The following NNMT variants were observed in gnomAD, a reference collection of about 807,000 sequenced individuals.
The protein encoded by NNMT is nicotinamide N-methyltransferase.
A neutral mutation model predicts 11.7 loss-of-function variants in NNMT; 10 were observed. That is an observed-to-expected ratio of 0.85 (90% CI 0.53 to 1.45). The LOEUF is 1.45. NNMT is among the 40% of genes most tolerant of loss of function. The pLI, the probability that NNMT is intolerant of heterozygous loss-of-function variation, is 0.00. For synonymous variants in NNMT, 143 were observed against 133.8 expected (o/e 1.07, Z -0.48); for missense variants, 381 against 319.4 (o/e 1.19, Z -1.47).
At chr11:114,282,955 T>G (rs184679612) in intron 2 of NNMT, among the ~76,000 whole-genome samples, 1 of 152,340 alleles carries the variant, frequency 6.6e-6, no homozygotes, top group Non-Finnish European at 1.5e-5. Context: ...AGAGAAAGTG[T>G]ACAACTTCAC....
chr11:114,284,400 T>C (rs564201345), intron 2 of NNMT, among the ~76,000 whole-genome samples: 40 of 152,252 alleles, frequency 2.6e-4, no homozygotes, highest in Non-Finnish European at 5.0e-4. Flanking sequence ...CAGGAATTGC[T>C]TTCCTTTCCA....
At chr11:114,285,985 G>A (rs142898288) in intron 2 of NNMT, among the ~76,000 whole-genome samples, 1 of 152,206 alleles carries the variant, frequency 6.6e-6, no homozygotes. Context: ...GGCACAGAAG[G>A]ACTTCTTCCA....
chr11:114,265,341 T>C (rs1945111676), intron 2 of NNMT, among the ~76,000 whole-genome samples: 1 of 152,218 alleles, frequency 6.6e-6, no homozygotes, highest in African/African-American at 2.4e-5. Flanking sequence ...TTGCTCCTTT[T>C]GGAAACACTT....
chr11:114,311,943 C>T, intron 2 of NNMT, 102 bp from the exon 3 acceptor site: 1 of 1,259,168 alleles, frequency 7.9e-7, no homozygotes. Context: ...GCCCTAAGGA[C>T]ACACATCTGG....
At chr11:114,305,341 C>CA (rs1555166147) in intron 2 of NNMT, among the ~76,000 whole-genome samples, 3 of 146,668 alleles carry the variant, frequency 2.0e-5, no homozygotes, top group African/African-American at 7.5e-5. Flanking sequence ...GTGGCTCCTC[C>CA]TTTTTTTTTT....
intron 2 of NNMT, among the ~76,000 whole-genome samples, chr11:114,298,771 T>G (rs1354344086): frequency 1.3e-5 from 2 of 152,240 alleles, no homozygotes; most frequent in Non-Finnish European, 2.9e-5. Context: ...CACTACCACA[T>G]CTACATGTAA....
intron 2 of NNMT, among the ~76,000 whole-genome samples, chr11:114,278,144 A>G (rs546914684): frequency 6.6e-6 from 1 of 152,324 alleles, no homozygotes; most frequent in Admixed American, 6.5e-5. Context: ...TGGCGTTAAC[A>G]TCTGCTCAGT....
At chr11:114,265,655 A>G (rs1436784803) in intron 2 of NNMT, among the ~76,000 whole-genome samples, 1 of 152,072 alleles carries the variant, frequency 6.6e-6, no homozygotes, top group African/African-American at 2.4e-5. Flanking sequence ...CAAATCTGGG[A>G]GACTGAGTGT....
intron 2 of NNMT, among the ~76,000 whole-genome samples, chr11:114,277,301 G>A (rs1945221216): frequency 1.3e-5 from 2 of 152,118 alleles, no homozygotes; most frequent in Non-Finnish European, 1.5e-5. Context: ...CAGGGTTATC[G>A]TAAGACCCCA....
chr11:114,301,024 A>G (rs1301266603), intron 2 of NNMT, among the ~76,000 whole-genome samples: 1 of 152,208 alleles, frequency 6.6e-6, no homozygotes, highest in Non-Finnish European at 1.5e-5. Flanking sequence ...ATCAATTGTG[A>G]TATTAAATTA....
chr11:114,311,646 G>A (rs1488304313), intron 2 of NNMT, among the ~76,000 whole-genome samples: 3 of 152,160 alleles, frequency 2.0e-5, no homozygotes, highest in Non-Finnish European at 4.4e-5. Flanking sequence ...TATGGGTCAA[G>A]TAGCCGCTAA....
intron 2 of NNMT, among the ~76,000 whole-genome samples, chr11:114,303,987 C>G (rs1265108431): frequency 6.6e-6 from 1 of 152,142 alleles, no homozygotes; most frequent in Non-Finnish European, 1.5e-5. Context: ...TTGGCTATAG[C>G]CTTCAAAGTG....
chr11:114,282,244 C>T (rs539494973), intron 2 of NNMT, among the ~76,000 whole-genome samples: 7 of 152,134 alleles, frequency 4.6e-5, no homozygotes, highest in African/African-American at 1.7e-4. Context: ...CAAACAAATA[C>T]CCCAAAATTG....
upstream of NNMT, among the ~76,000 whole-genome samples, chr11:114,291,487 T>C (rs547835449): frequency 3.9e-5 from 6 of 152,272 alleles, no homozygotes; most frequent in East Asian, 1.2e-3. Flanking sequence ...GGACTTACCA[T>C]GTCCTGTTTT....
At chr11:114,280,705 G>C (rs1041818004) in intron 2 of NNMT, among the ~76,000 whole-genome samples, 2 of 152,140 alleles carry the variant, frequency 1.3e-5, no homozygotes, top group African/African-American at 4.8e-5. Flanking sequence ...GGAGGAACAA[G>C]GACAGCAGGA....
At chr11:114,273,063 T>G (rs1368265485) in intron 2 of NNMT, among the ~76,000 whole-genome samples, 2 of 152,206 alleles carry the variant, frequency 1.3e-5, no homozygotes, top group Non-Finnish European at 2.9e-5. Flanking sequence ...TGATTTTATA[T>G]TGCCTATGGA....
rs755178023 is a variant in NNMT, at chr11:114,297,952, C to A, written c.156C>A (p.Asp52Glu). 5.6e-6 allele frequency: 9 copies of A among 1,612,310 alleles called. No individual in the cohort carries two copies. The East Asian group carries it at 1.1e-4, about 20-fold the overall frequency. ...TCTTTGTTCCTCCCACTAATCCAGA[C>A]GGTGTGAAGGGAGACCTGCTGATTG... ...LKNLFKIFCL[D>E]GVKGDLLIDI... Residue 52 changes from aspartate to glutamate, a missense_variant and splice_region_variant, in exon 2 of 3, where the codon GAC becomes GAA. Coordinates refer to ENST00000299964, the MANE Select transcript of NNMT (RefSeq NM_006169.3).
chr11:114,294,912 T>C (rs1456457875), upstream of NNMT, among the ~76,000 whole-genome samples: 1 of 152,220 alleles, frequency 6.6e-6, no homozygotes, highest in African/African-American at 2.4e-5. Flanking sequence ...GCCAATAGTC[T>C]TCCCAAACAT....
intron 2 of NNMT, among the ~76,000 whole-genome samples, chr11:114,311,055 G>T (rs997301811): frequency 2.0e-5 from 3 of 152,176 alleles, no homozygotes; most frequent in Non-Finnish European, 4.4e-5. Flanking sequence ...GTCAGGTGTG[G>T]TGGTGGCTCA....
Sources: gnomAD v4.1 joint callset for allele counts (sites outside exome capture counted in the v4.1 genomes callset) on GRCh38, gnomAD v4.1.1 for gene constraint, MANE v1.5 for transcripts, NCBI Gene and HGNC (gene_info 2026-07-23, HGNC 2026-07-21) for gene names.